The following ZNF577 variants were observed in gnomAD, a reference collection of about 807,000 sequenced individuals.
ZNF577 encodes the protein zinc finger protein 577.
A neutral mutation model predicts 13.9 loss-of-function variants in ZNF577; 14 were observed. The observed-to-expected ratio is 1.00, with a 90% CI of 0.66 to 1.57. The LOEUF (loss-of-function observed/expected upper bound fraction) is 1.57. Ranked by LOEUF, ZNF577 falls within the 40% of genes most tolerant of loss-of-function variation. ZNF577 has a pLI of 0.00. For missense variants in ZNF577, 555 were observed against 579.2 expected, an observed-to-expected ratio of 0.96 and a Z score of 0.43; for synonymous variants, 203 against 202.9, an observed-to-expected ratio of 1.00 and a Z score of 0.00.
At chr19:51,842,476 A>G (rs2084326713) in intron 8 of ZNF577, among the ~76,000 whole-genome samples, 1 of 152,118 alleles carries the variant, frequency 6.6e-6, no homozygotes, top group Admixed American at 6.5e-5. Context: ...TTGCCGTTCT[A>G]TTATCTGCCA....
At chr19:51,842,030 G>A (rs1366818706) in intron 8 of ZNF577, among the ~76,000 whole-genome samples, 1 of 152,090 alleles carries the variant, frequency 6.6e-6, no homozygotes, top group East Asian at 1.9e-4. Flanking sequence ...ATATATAATA[G>A]GCTTGAAGGA....
Position 51,824,153 on chromosome 19 carries a change from C to T in ZNF577, c.*600-12479G>A, listed in dbSNP as rs768829213. ...TCCTGCATCCAGCCTGGGCCCAGAA[C>T]CATCGCACCATGAGTCTGGCCAAGA... On this transcript the variant is annotated intron_variant and NMD_transcript_variant, in intron 9 of 10. Coordinates refer to the ZNF577 transcript ENST00000638827. The surrounding 1 kb of genome is among the most constrained non-coding windows in gnomAD (Gnocchi z 4.7). The T allele has an allele frequency of 1.2e-6, 2 of 1,613,876 alleles. No homozygotes were observed. The highest frequency in any genetic ancestry group is 1.7e-6 in the Non-Finnish European group (2 of 1,179,958).
downstream of ZNF577, among the ~76,000 whole-genome samples, chr19:51,864,782 T>C (rs1599862340): frequency 6.6e-6 from 1 of 152,128 alleles, no homozygotes; most frequent in Non-Finnish European, 1.5e-5. Context: ...ATAAATAGCA[T>C]TGTTAAGTCC....
chr19:51,859,459 G>A (rs1046334050), intron 5 of ZNF577, among the ~76,000 whole-genome samples: 5 of 151,988 alleles, frequency 3.3e-5, no homozygotes, highest in East Asian at 1.9e-4. Context: ...CAAAAGTTTC[G>A]GTGTGACACA....
At chr19:51,821,087 G>T (rs1467737583) in intron 9 of ZNF577, among the ~76,000 whole-genome samples, 1 of 152,204 alleles carries the variant, frequency 6.6e-6, no homozygotes, top group Non-Finnish European at 1.5e-5. Flanking sequence ...AGGACCAGAA[G>T]TTCCCATTTG....
At chr19:51,885,039 C>A (rs1319804672) in intron 1 of ZNF577, among the ~76,000 whole-genome samples, 1 of 152,162 alleles carries the variant, frequency 6.6e-6, no homozygotes, top group African/African-American at 2.4e-5. Context: ...TGCCTGATGG[C>A]CAACCATACG....
At chr19:51,847,922 T>C (rs1181902027) in intron 5 of ZNF577, among the ~76,000 whole-genome samples, 1 of 152,176 alleles carries the variant, frequency 6.6e-6, no homozygotes, top group Non-Finnish European at 1.5e-5. Flanking sequence ...AGTAGCACTT[T>C]GGAAGGCCAG....
Position 51,824,258 on chromosome 19 carries a change from G to A in ZNF577, c.*600-12584C>T, listed in dbSNP as rs749221285. The stretch of plus-strand genomic sequence containing the variant: ...TCTTCTGGACTACAATAAGTACTAC[G>A]AATGGGGACACATACTGTATTTTCA... On this transcript the variant is annotated intron_variant and NMD_transcript_variant, in intron 9 of 10. Coordinates refer to the ZNF577 transcript ENST00000638827. This position sits in a 1 kb window ranked among gnomAD's most constrained non-coding sequence, Gnocchi z 4.7. 44 of 1,614,016 alleles carry A rather than the reference G, an allele frequency of 2.7e-5. No individual in the cohort carries two copies. Among genetic ancestry groups the A allele is most frequent in the Admixed American group, 1.5e-4 (9 of 60,002 alleles).
In ZNF577 at chr19:51,887,036, G is replaced by A. The variant is rs1480179585; in HGVS notation, c.-434C>T. 6.6e-6 allele frequency: 1 copy of A among 151,526 alleles called. No homozygotes were observed. Among genetic ancestry groups the A allele is most frequent in the Non-Finnish European group, 1.5e-5 (1 of 68,002 alleles). The allele number at this position is 151,526 out of a possible 1,614,324, so 9.4% of individuals were successfully genotyped here. A position where few individuals can be genotyped will look rare whatever the true frequency, so the allele number is the denominator to read the frequency against. On this transcript the variant is annotated 5_prime_UTR_variant, in exon 1 of 6. Coordinates refer to ENST00000638348, the MANE Select transcript of ZNF577 (RefSeq NM_001370449.1). ...CTAAGTAAAATTAGGAACAAAAAAGGAAAGGGGGAGGGGTCTTATGCAAAA... is the reference window on the plus strand; with the variant it reads ...CTAAGTAAAATTAGGAACAAAAAAGAAAAGGGGGAGGGGTCTTATGCAAAA...
At chr19:51,844,050 C>CTT (rs34391853) in intron 6 of ZNF577, among the ~76,000 whole-genome samples, 36 of 127,092 alleles carry the variant, frequency 2.8e-4, no homozygotes, top group African/African-American at 8.6e-4. Flanking sequence ...AGCCACTACA[C>CTT]TTTTTTTTTT....
In ZNF577 at chr19:51,870,087, A is replaced by G. The variant is rs2084635505; in HGVS notation, c.*2445T>C. On this transcript the variant is annotated 3_prime_UTR_variant, in exon 6 of 6. Transcript: ENST00000638348. ...GGCATTGGGTCCAGTGCGTAGACTG[A>G]GCTTCATCTGCCCCTTGTTCAGGTG... 6.6e-6 allele frequency among the ~76,000 whole-genome samples: 1 copy of G among 152,182 alleles called. No homozygotes were observed. Among genetic ancestry groups the G allele is most frequent in the African/African-American group, 2.4e-5 (1 of 41,442 alleles).
intron 9 of ZNF577, among the ~76,000 whole-genome samples, chr19:51,831,180 A>T (rs1255708131): frequency 6.6e-6 from 1 of 152,038 alleles, no homozygotes; most frequent in Non-Finnish European, 1.5e-5. Flanking sequence ...CTGTGGTGCG[A>T]TCTTCACTCA....
chr19:51,866,513 G>A (rs1236377203), downstream of ZNF577, among the ~76,000 whole-genome samples: 2 of 152,138 alleles, frequency 1.3e-5, no homozygotes, highest in Non-Finnish European at 2.9e-5. Context: ...AGCCCTGTTG[G>A]CCCACACCTT....
At position 51,872,971 on chromosome 19, in the gene ZNF577, T is replaced by C; in HGVS notation, c.1019A>G (p.Lys340Arg). The C allele has an allele frequency of 6.2e-7, 1 of 1,614,200 alleles. No individual in the cohort carries two copies. Among genetic ancestry groups the C allele is most frequent in the Non-Finnish European group, 8.5e-7 (1 of 1,180,042 alleles). ...ECEKAFRSKS[K>R]LIQHQRTHTG... ...GTGAGTACGCTGATGCTGAATGAGC[T>C]TCGACTTGCTTCTAAAGGCTTTTTC... The change falls in exon 6 of 6, where the codon AAG (lysine) becomes AGG (arginine). Residue 340 changes from lysine to arginine, a missense_variant. Physicochemically the swap from Lys to Arg is conservative, Grantham distance 26. Coordinates refer to ENST00000638348, the MANE Select transcript of ZNF577 (RefSeq NM_001370449.1).
At chr19:51,850,883 T>C (rs1362898233) in intron 5 of ZNF577, among the ~76,000 whole-genome samples, 1 of 152,214 alleles carries the variant, frequency 6.6e-6, no homozygotes. Flanking sequence ...CATTACCATA[T>C]GTAAACTAGT....
chr19:51,816,080 A>ACC (rs1161241649), intron 9 of ZNF577, among the ~76,000 whole-genome samples: 2 of 149,634 alleles, frequency 1.3e-5, no homozygotes, highest in African/African-American at 2.5e-5. Context: ...AAAAAAAAAA[A>ACC]CCCTTGAGAA....
At chr19:51,877,130 G>A (rs1456064480) in intron 5 of ZNF577, 152 bp downstream of exon 5, 2 of 598,480 alleles carry the variant, frequency 3.3e-6, no homozygotes, top group East Asian at 5.8e-5. Context: ...CTCTATTAGG[G>A]ATGGACACAG....
chr19:51,883,287 G>A (rs1461929289), intron 1 of ZNF577, among the ~76,000 whole-genome samples: 1 of 151,390 alleles, frequency 6.6e-6, no homozygotes, highest in Non-Finnish European at 1.5e-5. Flanking sequence ...TACTGTGCCT[G>A]GCCAAATTTT....
chr19:51,864,321 C>T (rs1214572574), downstream of ZNF577, among the ~76,000 whole-genome samples: 2 of 152,108 alleles, frequency 1.3e-5, no homozygotes, highest in African/African-American at 4.8e-5. Context: ...CAAGATGTTT[C>T]TGATGTTTAT....
Sources: gnomAD v4.1 joint callset for allele counts (sites outside exome capture counted in the v4.1 genomes callset) on GRCh38, gnomAD v4.1.1 for gene constraint, Gnocchi (gnomAD v3.1) non-coding constraint, MANE v1.5 for transcripts, NCBI Gene and HGNC (gene_info 2026-07-23, HGNC 2026-07-21) for gene names.